The following CADM2 variants were observed in gnomAD, a reference collection of about 807,000 sequenced individuals.
CADM2 encodes immunoglobulin superfamily member 4D.
Under a neutral mutation model 49.8 loss-of-function variants are expected in CADM2, and 12 were observed. The observed-to-expected ratio is 0.24, with a 90% CI of 0.15 to 0.39. CADM2 has a LOEUF of 0.39. CADM2 is among the 10% of genes least tolerant of loss of function. The pLI is 1.00. For missense variants in CADM2, 378 were observed against 492.3 expected (o/e 0.77, Z 2.20); for synonymous variants, 214 against 175.4 (o/e 1.22, Z -1.74).
intron 1 of CADM2, among the ~76,000 whole-genome samples, chr3:85,652,437 G>A (rs879291109): frequency 1.6e-4 from 25 of 152,120 alleles, no homozygotes; most frequent in Non-Finnish European, 3.4e-4. Flanking sequence ...CACAGTATCA[G>A]ACAAAGCTAA....
At chr3:85,094,198 A>C (rs2037706975) in intron 1 of CADM2, among the ~76,000 whole-genome samples, 1 of 152,156 alleles carries the variant, frequency 6.6e-6, no homozygotes, top group Admixed American at 6.6e-5. Flanking sequence ...TAGGAAACAA[A>C]CATGTATTTG....
chr3:85,877,682 C>CTTTT (rs1181629793), intron 3 of CADM2, among the ~76,000 whole-genome samples: 7 of 78,726 alleles, frequency 8.9e-5, no homozygotes, highest in African/African-American at 4.3e-4. Context: ...TTTTTTTCTT[C>CTTTT]TGTTTTTTTT....
chr3:85,555,051 T>C (rs1385675827), intron 1 of CADM2, among the ~76,000 whole-genome samples: 1 of 124,682 alleles, frequency 8.0e-6, no homozygotes, highest in African/African-American at 2.5e-5. Context: ...ATGAGTCAAC[T>C]TAAAATCTGG....
chr3:85,770,396 A>G (rs909132492), intron 2 of CADM2, among the ~76,000 whole-genome samples: 1 of 151,972 alleles, frequency 6.6e-6, no homozygotes, highest in Admixed American at 6.6e-5. Context: ...CAGCCTTGAC[A>G]TTATGGGCTC....
At chr3:85,303,371 G>T (rs750545489) in intron 1 of CADM2, among the ~76,000 whole-genome samples, 6 of 151,908 alleles carry the variant, frequency 3.9e-5, no homozygotes, top group Non-Finnish European at 7.4e-5. Flanking sequence ...TGAATCTAAG[G>T]ACAAAATTAG....
intron 1 of CADM2, among the ~76,000 whole-genome samples, chr3:85,323,954 G>A (rs1400295183): frequency 1.3e-5 from 2 of 152,114 alleles, no homozygotes; most frequent in African/African-American, 4.8e-5. Context: ...GGCACCTTAC[G>A]AATCAATTAA....
At chr3:85,110,322 C>G (rs1279110357) in intron 1 of CADM2, among the ~76,000 whole-genome samples, 1 of 151,750 alleles carries the variant, frequency 6.6e-6, no homozygotes, top group Admixed American at 6.6e-5. Flanking sequence ...CATTTGCACT[C>G]TTCCTTTCCA....
intron 1 of CADM2, among the ~76,000 whole-genome samples, chr3:85,364,314 C>A (rs1204147158): frequency 6.6e-6 from 1 of 152,066 alleles, no homozygotes; most frequent in East Asian, 1.9e-4. Context: ...AGAACTATGA[C>A]AAAAATGTGC....
chr3:85,150,841 A>T (rs2107645627), intron 1 of CADM2, among the ~76,000 whole-genome samples: 1 of 151,986 alleles, frequency 6.6e-6, no homozygotes, highest in East Asian at 1.9e-4. Context: ...CCCAAGAGGC[A>T]GAGGTTGCAG....
At chr3:85,951,709 T>A (rs1247663020) in intron 7 of CADM2, among the ~76,000 whole-genome samples, 2 of 151,056 alleles carry the variant, frequency 1.3e-5, no homozygotes, top group Admixed American at 6.6e-5. Flanking sequence ...TAAAATTGCC[T>A]TTGTCCTTGC....
intron 2 of CADM2, among the ~76,000 whole-genome samples, chr3:85,778,295 A>G (rs2070457854): frequency 1.3e-5 from 2 of 152,226 alleles, no homozygotes; most frequent in South Asian, 4.1e-4. Context: ...ACACACATAT[A>G]CACAATTTTA....
At chr3:85,482,882 ACTT>A (rs960441416) in intron 1 of CADM2, among the ~76,000 whole-genome samples, 25 of 151,724 alleles carry the variant, frequency 1.6e-4, no homozygotes, top group African/African-American at 5.8e-4. Context: ...TATTAATAAA[ACTT>A]AATATGCTAT....
chr3:86,069,510 A>G lies in CADM2; in HGVS notation c.*2727A>G, dbSNP rs1407243172. The G allele has an allele frequency of 6.6e-6, 1 of 152,056 alleles. No individual in the cohort carries two copies. Among genetic ancestry groups the G allele is most frequent in the East Asian group, 1.9e-4 (1 of 5,196 alleles). 9.4% of individuals were successfully genotyped at this position (152,056 alleles called of 1,614,324 possible). A position where few individuals can be genotyped will look rare whatever the true frequency, so the allele number is the denominator to read the frequency against. Reference sequence around the variant, plus strand: ...TAAAAATTATTTAATTTTCAACCAAACAAAAAATAAATTGTAAAAATTATG... The same window carrying G: ...TAAAAATTATTTAATTTTCAACCAAGCAAAAAATAAATTGTAAAAATTATG... On this transcript the variant is annotated 3_prime_UTR_variant, in exon 10 of 10. Coordinates refer to ENST00000383699, the MANE Select transcript of CADM2 (RefSeq NM_001167675.2).
At chr3:85,635,521 T>C (rs1365812518) in intron 1 of CADM2, among the ~76,000 whole-genome samples, 1 of 152,142 alleles carries the variant, frequency 6.6e-6, no homozygotes, top group African/African-American at 2.4e-5. Flanking sequence ...TTTTCTTTAA[T>C]CTTTTCAACA....
chr3:85,504,015 T>C (rs922273609), intron 1 of CADM2, among the ~76,000 whole-genome samples: 45 of 152,312 alleles, frequency 3.0e-4, no homozygotes, highest in African/African-American at 1.0e-3. Flanking sequence ...ACATAGATAA[T>C]AGAAAATATT....
At chr3:85,766,984 G>A (rs1168539364) in intron 2 of CADM2, among the ~76,000 whole-genome samples, 1 of 151,994 alleles carries the variant, frequency 6.6e-6, no homozygotes, top group African/African-American at 2.4e-5. Flanking sequence ...CTCCCACAGG[G>A]TATGAAACAA....
At chr3:85,615,173 G>C (rs2063767135) in intron 1 of CADM2, among the ~76,000 whole-genome samples, 1 of 151,508 alleles carries the variant, frequency 6.6e-6, no homozygotes, top group Admixed American at 6.6e-5. Context: ...AGATGTCTTT[G>C]TGCCTATGGA....
intron 1 of CADM2, among the ~76,000 whole-genome samples, chr3:85,515,627 A>ATT (rs1483418612): frequency 1.8e-5 from 2 of 113,468 alleles, no homozygotes; most frequent in Non-Finnish European, 1.8e-5. Flanking sequence ...ATATATATAT[A>ATT]TATATTTTTT....
At chr3:85,149,165 G>T (rs1179381698) in intron 1 of CADM2, among the ~76,000 whole-genome samples, 5 of 151,332 alleles carry the variant, frequency 3.3e-5, no homozygotes, top group Admixed American at 3.3e-4. Context: ...TTTAAATAAG[G>T]TTGCCATGGT....
Sources: gnomAD v4.1 joint callset for allele counts (sites outside exome capture counted in the v4.1 genomes callset) on GRCh38, gnomAD v4.1.1 for gene constraint, MANE v1.5 for transcripts, NCBI Gene and HGNC (gene_info 2026-07-23, HGNC 2026-07-21) for gene names.